Variants in PSD3 observed in about 807,000 individuals in gnomAD.
PSD3 encodes the protein PH and SEC7 domain-containing protein 3.
Under a neutral mutation model 105.5 loss-of-function variants are expected in PSD3, and 49 were observed. That is an observed-to-expected ratio of 0.46 (90% confidence interval 0.37 to 0.59). The LOEUF (loss-of-function observed/expected upper bound fraction) is 0.59, where lower values mean the gene tolerates loss of function less well. Among genes scored for constraint, PSD3 ranks in the 20% least tolerant of loss-of-function variants. The pLI is 0.00. For synonymous variants in PSD3, 557 were observed against 457.8 expected (o/e 1.22, Z -2.77); for missense variants, 1,561 against 1,263.8 (o/e 1.24, Z -3.57).
chr8:19,063,481 C>T (rs536858001), intron 1 of PSD3, among the ~76,000 whole-genome samples: 57 of 152,300 alleles, frequency 3.7e-4, no homozygotes, highest in African/African-American at 1.2e-3. Context: ...GCGCCTATCA[C>T]GGACTGGCCC....
At chr8:18,697,501 A>T (rs1210652110) in intron 9 of PSD3, among the ~76,000 whole-genome samples, 4 of 152,264 alleles carry the variant, frequency 2.6e-5, no homozygotes, top group Non-Finnish European at 5.9e-5. Context: ...TTAAGGTCTG[A>T]GGTCCATGAT....
intron 2 of PSD3, among the ~76,000 whole-genome samples, chr8:18,894,840 G>A (rs1257604511): frequency 6.6e-6 from 1 of 152,210 alleles, no homozygotes; most frequent in Non-Finnish European, 1.5e-5. Context: ...CACTTTGCGG[G>A]AAGGTCTGAG....
chr8:19,019,573 C>G (rs1056614171), intron 1 of PSD3, among the ~76,000 whole-genome samples: 1 of 152,042 alleles, frequency 6.6e-6, no homozygotes, highest in Non-Finnish European at 1.5e-5. Flanking sequence ...AACATAAGTG[C>G]CAGTCTTATT....
Position 18,527,481 on chromosome 8 carries a change from A to G in PSD3, c.*8262T>C, listed in dbSNP as rs1202183136. The G allele has an allele frequency of 2.0e-5, 3 of 152,628 alleles. No homozygotes were observed. The highest frequency in any genetic ancestry group is 4.4e-5 in the Non-Finnish European group (3 of 68,040). 9.5% of individuals were successfully genotyped at this position (152,628 alleles called of 1,614,324 possible). On this transcript the variant is annotated 3_prime_UTR_variant, in exon 16 of 16. Coordinates refer to ENST00000327040, the MANE Select transcript of PSD3 (RefSeq NM_015310.4). ...CCCCAACTTATAAAAACACAGGAAC[A>G]ATTATATTCATAAACATTTACACAA...
rs565516174 is a variant in PSD3, at chr8:18,535,886, C to T, written c.3001G>A (p.Glu1001Lys). 54 of 1,614,050 alleles carry T rather than the reference C, an allele frequency of 3.3e-5. No individual in the cohort carries two copies. The highest frequency in any genetic ancestry group is 5.0e-5 in the Admixed American group (3 of 60,004). Residue 1001 changes from glutamate to lysine, a missense_variant, in exon 16 of 16, where the codon GAG (glutamate) becomes AAG (lysine). Transcript: ENST00000327040. ...GKELLSNDES[E>K]AAGLKKSHSS... ...TGCGACTTCTTCAGTCCTGCAGCCT[C>T]GCTTTCATCGTTACTCAGTAGCTCT...
chr8:18,744,032 T>C (rs1804793179), intron 9 of PSD3, among the ~76,000 whole-genome samples: 1 of 145,412 alleles, frequency 6.9e-6, no homozygotes, highest in Non-Finnish European at 1.5e-5. Flanking sequence ...TCCCCTGACA[T>C]CACCACTATT....
chr8:18,598,410 T>TAAAAAAAAAAA (rs1211306767), intron 12 of PSD3, among the ~76,000 whole-genome samples: 1 of 1,400 alleles, frequency 7.1e-4, no homozygotes, highest in Non-Finnish European at 2.0e-3. Context: ...TAGAGTATAA[T>TAAAAAAAAAAA]AAAAAAAAAA....
chr8:18,664,616 C>T (rs1007628419), intron 9 of PSD3, among the ~76,000 whole-genome samples: 5 of 152,198 alleles, frequency 3.3e-5, no homozygotes, highest in African/African-American at 1.2e-4. Context: ...GAAGATCCAG[C>T]TAAGATCACT....
intron 1 of PSD3, among the ~76,000 whole-genome samples, chr8:18,956,952 G>A (rs1411930584): frequency 6.6e-6 from 1 of 152,062 alleles, no homozygotes; most frequent in African/African-American, 2.4e-5. Context: ...AAATAACATA[G>A]GGATAACCAA....
At chr8:18,801,600 G>T (rs551830909) in intron 6 of PSD3, among the ~76,000 whole-genome samples, 1 of 152,198 alleles carries the variant, frequency 6.6e-6, no homozygotes, top group African/African-American at 2.4e-5. Flanking sequence ...GGAGGCCAAG[G>T]CAGGTGTTCA....
intron 9 of PSD3, among the ~76,000 whole-genome samples, chr8:18,655,977 T>C (rs1433181750): frequency 6.6e-6 from 1 of 152,230 alleles, no homozygotes; most frequent in Non-Finnish European, 1.5e-5. Flanking sequence ...TGATTAAAAT[T>C]ACACTGTGCA....
intron 1 of PSD3, among the ~76,000 whole-genome samples, chr8:18,946,228 T>A (rs1429713846): frequency 6.6e-6 from 1 of 152,168 alleles, no homozygotes; most frequent in African/African-American, 2.4e-5. Context: ...TCAGTTTATC[T>A]GGCAATAAAG....
At chr8:18,682,210 G>C (rs1050499900) in intron 9 of PSD3, among the ~76,000 whole-genome samples, 1 of 152,130 alleles carries the variant, frequency 6.6e-6, no homozygotes, top group African/African-American at 2.4e-5. Flanking sequence ...ATAGGTAGTA[G>C]GACTACAACA....
chr8:18,967,191 C>T (rs542158739), intron 1 of PSD3, among the ~76,000 whole-genome samples: 7 of 150,090 alleles, frequency 4.7e-5, no homozygotes, highest in South Asian at 2.1e-4. Context: ...GTTTCACTCT[C>T]GTTGCCCAGG....
rs192503659 is a variant in PSD3 at position 18,678,539 on chromosome 8, T to C, written c.2173-22854A>G. On this transcript the variant is annotated intron_variant, in intron 9 of 15. Transcript: ENST00000327040. ...ACATAAGAGTTTTCCCAGCTGGGCGTGGTGGCTCACGCCTATAATCCCAAC... is the reference window on the plus strand; with the variant it reads ...ACATAAGAGTTTTCCCAGCTGGGCGCGGTGGCTCACGCCTATAATCCCAAC... 2.3e-3 allele frequency among the ~76,000 whole-genome samples: 343 copies of C among 152,358 alleles called. 3 individuals are homozygous for C. The highest frequency in any genetic ancestry group is 7.8e-3 in the African/African-American group (326 of 41,592).
At chr8:19,054,256 C>T (rs1435999232) in intron 1 of PSD3, among the ~76,000 whole-genome samples, 1 of 152,210 alleles carries the variant, frequency 6.6e-6, no homozygotes, top group African/African-American at 2.4e-5. Flanking sequence ...CAGAAACACA[C>T]ATTTTGGACT....
intron 4 of PSD3, among the ~76,000 whole-genome samples, chr8:18,814,080 T>C (rs1811993477): frequency 6.6e-6 from 1 of 152,230 alleles, no homozygotes; most frequent in Admixed American, 6.5e-5. Context: ...ATAGAATACA[T>C]TCCCTGGAAG....
At chr8:18,754,977 C>T (rs527617757) in intron 9 of PSD3, among the ~76,000 whole-genome samples, 1 of 152,200 alleles carries the variant, frequency 6.6e-6, no homozygotes, top group South Asian at 2.1e-4. Flanking sequence ...GAAAGGAGGG[C>T]ATCAATCATC....
intron 9 of PSD3, among the ~76,000 whole-genome samples, chr8:18,752,608 A>AT (rs1563225764): frequency 7.5e-5 from 5 of 66,378 alleles, no homozygotes; most frequent in South Asian, 4.4e-4. Context: ...TATTATATAT[A>AT]ATACATATAA....
Sources: allele counts gnomAD v4.1 joint callset (sites outside exome capture counted in the v4.1 genomes callset), GRCh38; gene constraint gnomAD v4.1.1; transcripts MANE v1.5; gene names NCBI Gene and HGNC (gene_info 2026-07-23, HGNC 2026-07-21).